The following HIPK2 variants were observed in gnomAD, a reference collection of about 807,000 sequenced individuals.
HIPK2 encodes the protein homeodomain-interacting protein kinase 2.
In HIPK2, 27 loss-of-function variants were observed where a neutral mutation model predicts 113.7. The ratio of observed to expected loss-of-function variants is 0.24; its 90% CI spans 0.17 to 0.33. HIPK2 has a LOEUF of 0.33. HIPK2 is among the 10% of genes least tolerant of loss of function. The pLI is 1.00. For missense variants in HIPK2, 1,257 were observed against 1,588.0 expected, an observed-to-expected ratio of 0.79 and a Z score of 3.54; for synonymous variants, 631 against 642.2, an observed-to-expected ratio of 0.98 and a Z score of 0.26.
At chr7:139,604,036 C>T (rs1352372882) in intron 10 of HIPK2, 45 bp downstream of exon 10, 1 of 1,612,096 alleles carries the variant, frequency 6.2e-7, no homozygotes, top group African/African-American at 1.3e-5. Flanking sequence ...GACGTGCCTC[C>T]CATCCCAGAC....
At chr7:139,652,871 G>A (rs1399895372) in intron 2 of HIPK2, among the ~76,000 whole-genome samples, 1 of 152,118 alleles carries the variant, frequency 6.6e-6, no homozygotes, top group African/African-American at 2.4e-5. Flanking sequence ...GGGCCGGCAC[G>A]GTGGCTCACG....
chr7:139,579,695 G>GTA (rs1798605271), intron 13 of HIPK2, among the ~76,000 whole-genome samples: 4 of 151,608 alleles, frequency 2.6e-5, no homozygotes, highest in Non-Finnish European at 5.9e-5. Flanking sequence ...CAGGTGGAAG[G>GTA]GGGCCTTCCT....
intron 2 of HIPK2, among the ~76,000 whole-genome samples, chr7:139,668,283 C>T (rs1365735444): frequency 4.6e-5 from 7 of 151,428 alleles, no homozygotes; most frequent in Admixed American, 2.0e-4. Flanking sequence ...ATTTACTGGC[C>T]GAGTGCAGTG....
chr7:139,599,026 A>G (rs1321285386), intron 11 of HIPK2, among the ~76,000 whole-genome samples: 1 of 152,220 alleles, frequency 6.6e-6, no homozygotes, highest in Non-Finnish European at 1.5e-5. Context: ...ATTTTTGAAT[A>G]AGAATGAAAA....
chr7:139,645,618 T>C (rs1801185685), intron 2 of HIPK2, among the ~76,000 whole-genome samples: 1 of 152,104 alleles, frequency 6.6e-6, no homozygotes, highest in African/African-American at 2.4e-5. Flanking sequence ...TCTGATCCTG[T>C]AAGTACAGGA....
intron 2 of HIPK2, among the ~76,000 whole-genome samples, chr7:139,663,889 G>A (rs1179604454): frequency 6.6e-6 from 1 of 152,164 alleles, no homozygotes; most frequent in Non-Finnish European, 1.5e-5. Context: ...CGGCCCACGA[G>A]TCTTCCTTCA....
intron 2 of HIPK2, among the ~76,000 whole-genome samples, chr7:139,639,699 T>C (rs1283801971): frequency 1.3e-5 from 2 of 152,172 alleles, no homozygotes; most frequent in Non-Finnish European, 2.9e-5. Context: ...CCAACCCCCA[T>C]GTCACTGCTG....
At chr7:139,600,338 T>C in intron 11 of HIPK2, 79 bp downstream of exon 11, 1 of 1,491,464 alleles carries the variant, frequency 6.7e-7, no homozygotes, top group South Asian at 1.3e-5. Context: ...GAGTGGGTGC[T>C]GATACTCCCT....
At chr7:139,723,467 T>A (rs1795477611) in intron 1 of HIPK2, among the ~76,000 whole-genome samples, 1 of 152,240 alleles carries the variant, frequency 6.6e-6, no homozygotes, top group Non-Finnish European at 1.5e-5. Flanking sequence ...GTGCTGGGAT[T>A]ACAGGCGTGA....
At position 139,565,054 on chromosome 7, in the gene HIPK2, C is replaced by T. The variant is rs1459843694; in HGVS notation, c.*7873G>A. 1 of 152,072 alleles carries T rather than the reference C, an allele frequency of 6.6e-6. No homozygotes were observed. The allele number at this position is 152,072 out of a possible 1,614,324, so 9.4% of individuals were successfully genotyped here. ...GGTATGAAGTAATCATTATTTTCAG[C>T]CCACAGAGAATTCATAGTCTTTAAA... On this transcript the variant is annotated 3_prime_UTR_variant, in exon 15 of 15. Coordinates refer to ENST00000406875, the MANE Select transcript of HIPK2 (RefSeq NM_022740.5).
chr7:139,733,599 AC>A (rs1388083041), intron 1 of HIPK2, among the ~76,000 whole-genome samples: 1 of 152,228 alleles, frequency 6.6e-6, no homozygotes, highest in Non-Finnish European at 1.5e-5. Context: ...ACTTTCCAAT[AC>A]AGTATTGTTA....
At chr7:139,635,847 C>T (rs549716003) in intron 2 of HIPK2, among the ~76,000 whole-genome samples, 38 of 152,330 alleles carry the variant, frequency 2.5e-4, no homozygotes, top group African/African-American at 8.2e-4. Flanking sequence ...GAAAACAAAG[C>T]AGAACACAAG....
chr7:139,574,030 A>G (rs1464036833), intron 14 of HIPK2, among the ~76,000 whole-genome samples: 1 of 152,042 alleles, frequency 6.6e-6, no homozygotes, highest in Non-Finnish European at 1.5e-5. Flanking sequence ...GCATGAACCT[A>G]GCTCACTGTA....
intron 2 of HIPK2, among the ~76,000 whole-genome samples, chr7:139,674,546 G>C (rs1475624211): frequency 2.4e-5 from 2 of 83,766 alleles, no homozygotes; most frequent in African/African-American, 7.1e-5. Context: ...ATGGGAAGCA[G>C]ACAGGCTACG....
At position 139,726,298 on chromosome 7, in the gene HIPK2, C is replaced by T. The variant is rs576285835; in HGVS notation, c.20-9283G>A. Among the ~76,000 whole-genome samples the T allele has an allele frequency of 5.9e-5, 9 of 152,128 alleles. No individual in the cohort carries two copies. The South Asian group carries it at 1.0e-3, about 18-fold the overall frequency. ...CTGGTCCAGAGGGGTAAGGGGGACCCGGACTAAGGAACTGCCTGAGAAAAC... is the reference window on the plus strand; with the variant it reads ...CTGGTCCAGAGGGGTAAGGGGGACCTGGACTAAGGAACTGCCTGAGAAAAC... On this transcript the variant is annotated intron_variant, in intron 1 of 14. Transcript: ENST00000406875.
intron 1 of HIPK2, among the ~76,000 whole-genome samples, chr7:139,749,847 A>G (rs1446883554): frequency 6.6e-6 from 1 of 152,200 alleles, no homozygotes; most frequent in Non-Finnish European, 1.5e-5. Flanking sequence ...CACTCCCAAC[A>G]TCTTCACAAG....
chr7:139,696,786 G>T (rs1300695228), intron 2 of HIPK2, among the ~76,000 whole-genome samples: 1 of 152,124 alleles, frequency 6.6e-6, no homozygotes, highest in Non-Finnish European at 1.5e-5. Context: ...CATCTTCCTG[G>T]CGTCAACACT....
At chr7:139,665,558 A>C (rs1802019078) in intron 2 of HIPK2, among the ~76,000 whole-genome samples, 1 of 148,076 alleles carries the variant, frequency 6.8e-6, no homozygotes, top group South Asian at 2.2e-4. Context: ...CCTCCTGGCC[A>C]CATCCATCCA....
intron 2 of HIPK2, among the ~76,000 whole-genome samples, chr7:139,643,386 AC>A (rs1285648570): frequency 7.0e-6 from 1 of 143,592 alleles, no homozygotes; most frequent in African/African-American, 2.6e-5. Flanking sequence ...CTAAATACAC[AC>A]ACACACACAC....
Sources: allele counts gnomAD v4.1 joint callset (sites outside exome capture counted in the v4.1 genomes callset), GRCh38; gene constraint gnomAD v4.1.1; transcripts MANE v1.5; gene names NCBI Gene and HGNC (gene_info 2026-07-23, HGNC 2026-07-21).